POLR3B: variants seen among roughly 807,000 people sequenced by gnomAD.
The protein encoded by POLR3B is DNA-directed RNA polymerase III subunit RPC2.
POLR3B carries 96 observed loss-of-function variants against 147.4 expected under a neutral mutation model. The ratio of observed to expected loss-of-function variants is 0.65; its 90% CI spans 0.55 to 0.77. The LOEUF (loss-of-function observed/expected upper bound fraction) is 0.77. Among genes scored for constraint, POLR3B ranks in the 30% least tolerant of loss-of-function variants. The pLI is 0.00. For missense variants in POLR3B, 1,036 were observed against 1,413.5 expected (o/e 0.73, Z 4.28); for synonymous variants, 461 against 485.9 (o/e 0.95, Z 0.67).
At chr12:106,449,876 A>G (rs1473872000) in intron 19 of POLR3B, among the ~76,000 whole-genome samples, 2 of 152,244 alleles carry the variant, frequency 1.3e-5, no homozygotes, top group East Asian at 3.8e-4. Context: ...TGTTTCAAAA[A>G]TGAATGAATG....
At chr12:106,461,765 G>A (rs1326298421) in intron 22 of POLR3B, among the ~76,000 whole-genome samples, 1 of 152,000 alleles carries the variant, frequency 6.6e-6, no homozygotes, top group Admixed American at 6.6e-5. Context: ...CTCTCGCCTG[G>A]CCCTCCCTAT....
intron 9 of POLR3B, among the ~76,000 whole-genome samples, chr12:106,385,515 TA>T (rs1481474010): frequency 6.6e-6 from 1 of 152,206 alleles, no homozygotes; most frequent in African/African-American, 2.4e-5. Context: ...GAGGCTGAAC[TA>T]AGTTCGTTGA....
chr12:106,464,430 A>C (rs553540281), intron 23 of POLR3B, among the ~76,000 whole-genome samples: 147 of 152,292 alleles, frequency 9.7e-4, no homozygotes, highest in Non-Finnish European at 1.9e-3. Context: ...ATCATTATCC[A>C]TATTTTATAG....
chr12:106,448,668 G>A (rs1816021194), intron 19 of POLR3B, among the ~76,000 whole-genome samples: 1 of 151,606 alleles, frequency 6.6e-6, no homozygotes. Context: ...TCGAACTCCT[G>A]ACCTCAGGTG....
intron 23 of POLR3B, among the ~76,000 whole-genome samples, chr12:106,486,132 A>G (rs942321266): frequency 5.9e-5 from 9 of 151,878 alleles, no homozygotes; most frequent in Non-Finnish European, 1.3e-4. Context: ...TACTAAAAAT[A>G]CAAAAAATTA....
intron 12 of POLR3B, among the ~76,000 whole-genome samples, chr12:106,414,395 G>A (rs977987338): frequency 3.9e-5 from 6 of 151,944 alleles, no homozygotes; most frequent in Non-Finnish European, 8.8e-5. Context: ...CTGATCCTGG[G>A]TGTTATTCTA....
At position 106,485,584 on chromosome 12, in the gene POLR3B, T is replaced by G. The variant is rs12301022; in HGVS notation, c.2714-10471T>G. 9.9e-3 allele frequency among the ~76,000 whole-genome samples: 1,511 copies of G among 152,228 alleles called. 22 individuals carry two copies. The highest frequency in any genetic ancestry group is 0.035 in the African/African-American group (1,448 of 41,528). The stretch of plus-strand genomic sequence containing the variant: ...CTGGATTCTGGACATACTCTGGAGA[T>G]AGAGCCAACAGGACTTGCTTATGGC... On this transcript the variant is annotated intron_variant, in intron 23 of 27. Coordinates refer to ENST00000228347, the MANE Select transcript of POLR3B (RefSeq NM_018082.6).
intron 1 of POLR3B, among the ~76,000 whole-genome samples, chr12:106,359,551 C>T (rs1000354062): frequency 7.2e-5 from 11 of 152,096 alleles, no homozygotes; most frequent in African/African-American, 1.7e-4. Flanking sequence ...ATGCTGGTCT[C>T]GAACTCCTGA....
intron 23 of POLR3B, among the ~76,000 whole-genome samples, chr12:106,465,972 A>G (rs2137039349): frequency 6.6e-6 from 1 of 152,228 alleles, no homozygotes; most frequent in African/African-American, 2.4e-5. Context: ...CTTTGGGTAT[A>G]TGGGATTGCT....
At chr12:106,505,445 G>A (rs950254275) in intron 27 of POLR3B, among the ~76,000 whole-genome samples, 2 of 151,910 alleles carry the variant, frequency 1.3e-5, no homozygotes, top group Non-Finnish European at 2.9e-5. Flanking sequence ...ACACCACCAC[G>A]CCTGACTAAC....
chr12:106,428,427 A>G (rs930205573), intron 13 of POLR3B, among the ~76,000 whole-genome samples: 1 of 152,180 alleles, frequency 6.6e-6, no homozygotes, highest in Non-Finnish European at 1.5e-5. Flanking sequence ...TCAACCTTTA[A>G]AATTCTTAAT....
In POLR3B at chr12:106,473,860, T is replaced by C. The variant is rs943269783; in HGVS notation, c.2713+10240T>C. 4.6e-4 allele frequency among the ~76,000 whole-genome samples: 69 copies of C among 150,732 alleles called. 1 individual carries two copies. The highest frequency in any genetic ancestry group is 1.6e-3 in the African/African-American group (67 of 41,012). On this transcript the variant is annotated intron_variant, in intron 23 of 27. Coordinates refer to ENST00000228347, the MANE Select transcript of POLR3B (RefSeq NM_018082.6). The stretch of plus-strand genomic sequence containing the variant: ...TCCTAATTGAATACCCTTTATTTCC[T>C]TCTCCTGCGTGATTGCCCTGGCCAG...
chr12:106,420,271 A>G (rs957498746), intron 12 of POLR3B, among the ~76,000 whole-genome samples: 1 of 152,150 alleles, frequency 6.6e-6, no homozygotes, highest in African/African-American at 2.4e-5. Context: ...GATCAGCCAG[A>G]GATTTGGGCA....
intron 10 of POLR3B, among the ~76,000 whole-genome samples, chr12:106,400,903 A>G (rs2037055445): frequency 1.3e-5 from 2 of 152,356 alleles, no homozygotes; most frequent in South Asian, 4.1e-4. Context: ...CCCTAACATC[A>G]CAATTAAAAG....
At chr12:106,438,753 A>G (rs186587513) in intron 18 of POLR3B, among the ~76,000 whole-genome samples, 5 of 152,342 alleles carry the variant, frequency 3.3e-5, no homozygotes, top group East Asian at 3.9e-4. Flanking sequence ...ATAAAAATAT[A>G]CTTACCTCTG....
At chr12:106,467,960 G>A (rs543003173) in intron 23 of POLR3B, among the ~76,000 whole-genome samples, 1 of 152,258 alleles carries the variant, frequency 6.6e-6, no homozygotes, top group South Asian at 2.1e-4. Context: ...GATGATGCTG[G>A]CCTCATAAAA....
In POLR3B at chr12:106,409,346, G is replaced by GTTTTTTTTTTTTTT. The variant is rs138257827; in HGVS notation, c.967-1472_967-1471insTTTTTTTTTTTTTT. On this transcript the variant is annotated intron_variant, in intron 11 of 27. Coordinates refer to ENST00000228347, the MANE Select transcript of POLR3B (RefSeq NM_018082.6). ...TAACTGGTGTTACGATTGTAAGAGG[G>GTTTTTTTTTTTTTT]TTTTTTTTGTTTTTTTTTTTTTTTT... Among the ~76,000 whole-genome samples, 9 of 67,474 alleles carry GTTTTTTTTTTTTTT rather than the reference G, an allele frequency of 1.3e-4. 3 individuals are homozygous for GTTTTTTTTTTTTTT. The highest frequency in any genetic ancestry group is 5.7e-4 in the African/African-American group (7 of 12,384). The allele number at this position is 67,474 out of a possible 152,430, so 44.3% of individuals were successfully genotyped here.
chr12:106,397,932 C>T (rs866136541), intron 10 of POLR3B, among the ~76,000 whole-genome samples: 17 of 152,358 alleles, frequency 1.1e-4, no homozygotes, highest in Middle Eastern at 3.4e-3. Context: ...CGCACTAAGA[C>T]GGGTGATTTC....
intron 18 of POLR3B, among the ~76,000 whole-genome samples, chr12:106,439,002 A>T (rs894462488): frequency 1.3e-5 from 2 of 152,190 alleles, no homozygotes; most frequent in Non-Finnish European, 2.9e-5. Flanking sequence ...CACTTACCTG[A>T]AATTGGAATT....
Sources: allele counts gnomAD v4.1 joint callset (sites outside exome capture counted in the v4.1 genomes callset), GRCh38; gene constraint gnomAD v4.1.1; transcripts MANE v1.5; gene names NCBI Gene and HGNC (gene_info 2026-07-23, HGNC 2026-07-21).